Variants in ADK observed in about 807,000 individuals in gnomAD.
ADK encodes the protein adenosine kinase.
In ADK, 24 loss-of-function variants were observed where a neutral mutation model predicts 44.7. That is an observed-to-expected ratio of 0.54 (90% confidence interval 0.39 to 0.76). The LOEUF (loss-of-function observed/expected upper bound fraction) is 0.76. ADK is among the 30% of genes least tolerant of loss of function. ADK has a pLI of 0.00. For synonymous variants in ADK, 128 were observed against 142.6 expected, an observed-to-expected ratio of 0.90 and a Z score of 0.73; for missense variants, 321 against 425.1, an observed-to-expected ratio of 0.76 and a Z score of 2.15.
chr10:74,186,445 A>AT (rs899722006), intron 1 of ADK, among the ~76,000 whole-genome samples: 15 of 146,880 alleles, frequency 1.0e-4, no homozygotes, highest in South Asian at 6.8e-4. Flanking sequence ...ACGCCTGGCT[A>AT]TTTTTTTTGT....
chr10:74,377,677 GC>G (rs1185064269), intron 4 of ADK, among the ~76,000 whole-genome samples: 1 of 152,122 alleles, frequency 6.6e-6, no homozygotes, highest in Non-Finnish European at 1.5e-5. Flanking sequence ...GGGGAATCTG[GC>G]CACAACATCA....
intron 10 of ADK, among the ~76,000 whole-genome samples, chr10:74,703,914 C>T (rs997106009): frequency 6.6e-6 from 1 of 152,166 alleles, no homozygotes; most frequent in Non-Finnish European, 1.5e-5. Context: ...CAATATTGTG[C>T]ACCTGGGTAG....
intron 4 of ADK, among the ~76,000 whole-genome samples, chr10:74,390,163 A>G (rs1230173245): frequency 6.6e-6 from 1 of 152,092 alleles, no homozygotes; most frequent in Non-Finnish European, 1.5e-5. Context: ...ATTTTCTGCT[A>G]AATTTATACT....
At chr10:74,587,365 CT>C (rs1441605504) in intron 7 of ADK, among the ~76,000 whole-genome samples, 1 of 152,140 alleles carries the variant, frequency 6.6e-6, no homozygotes, top group Non-Finnish European at 1.5e-5. Context: ...CTTGGTCAGG[CT>C]TATGTTTCTC....
At chr10:74,627,621 TTTG>T (rs1027125081) in intron 9 of ADK, among the ~76,000 whole-genome samples, 1 of 152,066 alleles carries the variant, frequency 6.6e-6, no homozygotes, top group African/African-American at 2.4e-5. Flanking sequence ...ACAGTGTTTT[TTTG>T]TTGTTGTATT....
At chr10:74,477,216 G>A (rs115602262) in intron 6 of ADK, among the ~76,000 whole-genome samples, 2,485 of 151,980 alleles carry the variant, frequency 0.016, 66 homozygotes, top group African/African-American at 0.057. Flanking sequence ...TTAAAAAAAG[G>A]TCTTTTGAGA....
intron 3 of ADK, among the ~76,000 whole-genome samples, chr10:74,242,864 G>A (rs1321985372): frequency 2.0e-5 from 3 of 152,276 alleles, no homozygotes; most frequent in Admixed American, 6.5e-5. Context: ...GACTACTGCT[G>A]TACTTCAGGG....
intron 6 of ADK, among the ~76,000 whole-genome samples, chr10:74,425,600 G>A (rs901488207): frequency 5.3e-5 from 8 of 151,984 alleles, no homozygotes; most frequent in African/African-American, 1.2e-4. Flanking sequence ...GTCATTGAAC[G>A]TGGAGTTGGG....
intron 4 of ADK, among the ~76,000 whole-genome samples, chr10:74,365,628 G>A (rs1480627640): frequency 1.3e-5 from 2 of 152,096 alleles, no homozygotes; most frequent in Non-Finnish European, 2.9e-5. Context: ...TGGGAACAAG[G>A]CTAATTTAAT....
chr10:74,167,510 T>C (rs1842063168), intron 1 of ADK, among the ~76,000 whole-genome samples: 1 of 152,194 alleles, frequency 6.6e-6, no homozygotes, highest in African/African-American at 2.4e-5. Context: ...TTATCTTTAT[T>C]CACTCACCTT....
chr10:74,574,758 A>T (rs1851125347), intron 7 of ADK, among the ~76,000 whole-genome samples: 1 of 152,206 alleles, frequency 6.6e-6, no homozygotes, highest in African/African-American at 2.4e-5. Context: ...TATAGAACAC[A>T]TCAGACTAGC....
intron 9 of ADK, chr10:74,655,891 T>C: frequency 1.6e-6 from 1 of 644,792 alleles, no homozygotes; most frequent in Non-Finnish European, 2.9e-6. Flanking sequence ...GCTTCTACCC[T>C]AGCTGACCTG....
At chr10:74,419,140 A>G in intron 6 of ADK, among the ~76,000 whole-genome samples, 1 of 152,084 alleles carries the variant, frequency 6.6e-6, no homozygotes, top group Admixed American at 6.6e-5. Context: ...CTTCATTTGG[A>G]CTATTCATAT....
chr10:74,194,727 T>C (rs1843061203), intron 1 of ADK, among the ~76,000 whole-genome samples: 1 of 152,168 alleles, frequency 6.6e-6, no homozygotes, highest in Non-Finnish European at 1.5e-5. Context: ...AAGCGTTTGA[T>C]AAAACCAAGA....
chr10:74,285,341 A>G (rs1409657464), intron 3 of ADK, among the ~76,000 whole-genome samples: 1 of 152,298 alleles, frequency 6.6e-6, no homozygotes, highest in East Asian at 1.9e-4. Context: ...ATATTTGTGA[A>G]TAGTCTTTGT....
At chr10:74,324,008 T>C (rs568884845) in intron 4 of ADK, among the ~76,000 whole-genome samples, 2 of 152,126 alleles carry the variant, frequency 1.3e-5, no homozygotes, top group Admixed American at 1.3e-4. Context: ...TTTCTATAGG[T>C]TTGCCTATTC....
chr10:74,636,048 A>G (rs1431292042), intron 9 of ADK, among the ~76,000 whole-genome samples: 1 of 151,996 alleles, frequency 6.6e-6, no homozygotes, highest in African/African-American at 2.4e-5. Flanking sequence ...CCGTGATCAC[A>G]CCATTACACT....
At chr10:74,693,064 G>A (rs903102891) in intron 10 of ADK, among the ~76,000 whole-genome samples, 4 of 152,072 alleles carry the variant, frequency 2.6e-5, no homozygotes, top group African/African-American at 9.7e-5. Context: ...TGTTTTGTGT[G>A]ATACTTTAAT....
intron 7 of ADK, among the ~76,000 whole-genome samples, chr10:74,538,370 G>C (rs1003899568): frequency 1.3e-5 from 2 of 152,054 alleles, no homozygotes; most frequent in Admixed American, 1.3e-4. Context: ...ACCTCACAGA[G>C]GATTCAATAT....
Sources: allele counts gnomAD v4.1 joint callset (sites outside exome capture counted in the v4.1 genomes callset), GRCh38; gene constraint gnomAD v4.1.1; transcripts MANE v1.5; gene names NCBI Gene and HGNC (gene_info 2026-07-23, HGNC 2026-07-21).